Variants in GFAP observed in about 807,000 individuals in gnomAD.
GFAP encodes the protein intermediate filament protein.
A neutral mutation model predicts 49.3 loss-of-function variants in GFAP; 38 were observed. The observed-to-expected ratio is 0.77, with a 90% CI of 0.60 to 1.01. The LOEUF (loss-of-function observed/expected upper bound fraction) is 1.01. Among genes scored for constraint, GFAP ranks in the 50% least tolerant of loss-of-function variants. The pLI is 0.00. For missense variants in GFAP, 463 were observed against 579.1 expected, an observed-to-expected ratio of 0.80 and a Z score of 2.06; for synonymous variants, 222 against 236.4, an observed-to-expected ratio of 0.94 and a Z score of 0.56.
Position 44,904,759 on chromosome 17 carries a change from A to G in GFAP, c.*2588T>C. The stretch of plus-strand genomic sequence containing the variant: ...AAGACCGCCAGCACCTCTACCGCAC[A>G]CAGTACCTGAAGGGTGTCAACAGGT... On this transcript the variant is annotated 3_prime_UTR_variant, in exon 9 of 9. Coordinates refer to ENST00000588735, the MANE Select transcript of GFAP (RefSeq NM_002055.5). 6.4e-7 allele frequency: 1 copy of G among 1,550,620 alleles called. No homozygotes were observed. The highest frequency in any genetic ancestry group is 8.7e-7 in the Non-Finnish European group (1 of 1,147,006).
intron 4 of GFAP, chr17:44,912,834 G>A (rs973928890): frequency 3.8e-5 from 10 of 266,556 alleles, no homozygotes; most frequent in Non-Finnish European, 7.4e-5. Context: ...TAGAGGCTCA[G>A]TAACCCAAAA....
In GFAP at chr17:44,907,317, C is replaced by T. The variant is rs201709616; in HGVS notation, c.*30G>A. 1.3e-4 allele frequency: 212 copies of T among 1,607,770 alleles called. 2 individuals carry two copies. The South Asian group carries it at 1.5e-3, about 12-fold the overall frequency. ...GCTTCTGCTCGGGCCCCTCATGAGACGGGGCAGAGGCCACCAGGTGGGTCC... is the reference window on the plus strand; with the variant it reads ...GCTTCTGCTCGGGCCCCTCATGAGATGGGGCAGAGGCCACCAGGTGGGTCC... On this transcript the variant is annotated 3_prime_UTR_variant, in exon 9 of 9. Transcript: ENST00000588735.
chr17:44,909,997 A>G (rs1041363668), intron 7 of GFAP: 2 of 1,537,408 alleles, frequency 1.3e-6, no homozygotes, highest in Admixed American at 4.0e-5. Context: ...TGGGCACTGC[A>G]GTTCCTGGGA....
chr17:44,903,889 T>C lies in GFAP; in HGVS notation c.*3458A>G. On this transcript the variant is annotated 3_prime_UTR_variant, in exon 9 of 9. Transcript: ENST00000588735. ...CATGGGGGCTCCAGGCCTTTGAAAT[T>C]GTGGAGAAGGAAAACATTTTTCAGA... is the stretch of plus-strand genomic sequence containing the variant. The C allele has an allele frequency of 6.4e-7, 1 of 1,550,470 alleles. No homozygotes were observed. Among genetic ancestry groups the C allele is most frequent in the South Asian group, 1.2e-5 (1 of 84,050 alleles).
intron 5 of GFAP, 37 bp from the exon 6 acceptor site, chr17:44,911,493 A>C (rs1220884973): frequency 1.3e-6 from 2 of 1,571,976 alleles, no homozygotes; most frequent in Non-Finnish European, 1.7e-6. Context: ...CGGAGCCCCG[A>C]CCCGACTTGG....
chr17:44,903,308 G>T lies in GFAP; in HGVS notation c.*4039C>A. ...ATTTGAGGTGTTGAATTTTCCCCTA[G>T]AGACTCAGTTCTTGTGCAGGTTGGG... is the stretch of plus-strand genomic sequence containing the variant. On this transcript the variant is annotated 3_prime_UTR_variant, in exon 9 of 9. Transcript: ENST00000588735. 1 of 1,245,494 alleles carries T rather than the reference G, an allele frequency of 8.0e-7. No individual in the cohort carries two copies. Among genetic ancestry groups the T allele is most frequent in the South Asian group, 3.9e-5 (1 of 25,420 alleles). 77.2% of individuals were successfully genotyped at this position (1,245,494 alleles called of 1,614,324 possible).
intron 1 of GFAP, 101 bp from the exon 2 acceptor site, chr17:44,914,189 C>T (rs2051851333): frequency 2.5e-6 from 2 of 797,492 alleles, no homozygotes; most frequent in Non-Finnish European, 4.3e-6. Flanking sequence ...ACCACCCCCA[C>T]CCAGGACCAG....
In GFAP at chr17:44,905,373, G is replaced by A; in HGVS notation, c.*1974C>T. On this transcript the variant is annotated 3_prime_UTR_variant, in exon 9 of 9. Coordinates refer to ENST00000588735, the MANE Select transcript of GFAP (RefSeq NM_002055.5). ...TCAGATTTATCCAGTGGTAAACACT[G>A]ATCAGTGTTGAATCATGTTTGAGCT... is the stretch of plus-strand genomic sequence containing the variant. 1 of 366,834 alleles carries A rather than the reference G, an allele frequency of 2.7e-6. No individual in the cohort carries two copies. Among genetic ancestry groups the A allele is most frequent in the South Asian group, 3.9e-5 (1 of 25,444 alleles). 22.7% of individuals were successfully genotyped at this position (366,834 alleles called of 1,614,324 possible).
In GFAP at chr17:44,911,597, G is replaced by A. The variant is rs1043104173; in HGVS notation, c.906+75C>T. 6 of 1,592,642 alleles carry A rather than the reference G, an allele frequency of 3.8e-6. No individual in the cohort carries two copies. In the African/African-American group the frequency reaches 8.0e-5, roughly 21 times the overall value. ...CCCTCGACCCAGGTCCTCGTCCCTG[G>A]CCCTTCTCCCCTGGCATCTCCTGGG... is the stretch of plus-strand genomic sequence containing the variant. On this transcript the variant is annotated intron_variant, in intron 5 of 8. Coordinates refer to ENST00000588735, the MANE Select transcript of GFAP (RefSeq NM_002055.5).
chr17:44,913,854 G>T, intron 2 of GFAP, 31 bp from the exon 3 acceptor site: 4 of 1,569,328 alleles, frequency 2.5e-6, no homozygotes, highest in Non-Finnish European at 3.5e-6. Flanking sequence ...AGGAGTAGAG[G>T]GCCACTGGGG....
At position 44,915,320 on chromosome 17, in the gene GFAP, C is replaced by T. The variant is rs1196032125; in HGVS notation, c.167G>A (p.Gly56Glu). The T allele has an allele frequency of 6.2e-7, 1 of 1,613,496 alleles. No individual in the cohort carries two copies. Among genetic ancestry groups the T allele is most frequent in the Non-Finnish European group, 8.5e-7 (1 of 1,179,580 alleles). Residue 56 changes from glycine (G) to glutamate (E), a missense_variant, in exon 1 of 9, where the codon GGG becomes GAG. Gly to Glu is a moderately conservative substitution (Grantham distance 98). Around this residue, in one of 3 missense-constraint regions of GFAP, gnomAD observed 89 missense variants for 87.5 expected, o/e 1.02. Transcript: ENST00000588735. The surrounding 1 kb of genome is among the most constrained non-coding windows in gnomAD (Gnocchi z 4.1). ...LPTRVDFSLA[G>E]ALNAGFKETR... ...CTCCTTGAAGCCAGCATTGAGTGCC[C>T]CAGCCAGGGAGAAATCCACCCGGGT...
chr17:44,905,092 G>C lies in GFAP; in HGVS notation c.*2255C>G, dbSNP rs1380052140. ...CCTAGGAGCTCTCTTCAGCTCTGAAGACCAGTTGTCCTTCAATGTGTTTGT... is the reference window on the plus strand; with the variant it reads ...CCTAGGAGCTCTCTTCAGCTCTGAACACCAGTTGTCCTTCAATGTGTTTGT... On this transcript the variant is annotated 3_prime_UTR_variant, in exon 9 of 9. Coordinates refer to ENST00000588735, the MANE Select transcript of GFAP (RefSeq NM_002055.5). 6.7e-7 allele frequency: 1 copy of C among 1,498,576 alleles called. No individual in the cohort carries two copies. The highest frequency in any genetic ancestry group is 1.7e-4 in the Middle Eastern group (1 of 5,802). The allele number at this position is 1,498,576 out of a possible 1,614,324, so 92.8% of individuals were successfully genotyped here.
At position 44,912,083 on chromosome 17, in the gene GFAP, G is replaced by A. The variant is rs368267763; in HGVS notation, c.781-286C>T. Among the ~76,000 whole-genome samples the A allele has an allele frequency of 5.3e-5, 8 of 152,184 alleles. 1 individual carries two copies. The South Asian group carries it at 1.7e-3, about 32-fold the overall frequency. On this transcript the variant is annotated intron_variant, in intron 4 of 8. Transcript: ENST00000588735. ...GGGACTGAACGCTGTCGTCTTAGGC[G>A]AGCGGAGGCCTGGGTGTTTTGTGTG...
intron 7 of GFAP, chr17:44,910,037 A>G: frequency 6.3e-7 from 1 of 1,599,182 alleles, no homozygotes; most frequent in South Asian, 1.1e-5. Context: ...CTTTAGGGGA[A>G]GCCTGGGAAG....
In GFAP at chr17:44,904,530, T is replaced by G. The variant is rs765629995; in HGVS notation, c.*2817A>C. The G allele has an allele frequency of 8.4e-6, 13 of 1,550,228 alleles. No individual in the cohort carries two copies. On this transcript the variant is annotated 3_prime_UTR_variant, in exon 9 of 9. Transcript: ENST00000588735. ...AAGGCCAGGGACCACACGCCTGAGG[T>G]GCTGGTTCGGAGCTGCTTAGTACCC...
chr17:44,910,773 T>C, intron 6 of GFAP, 115 bp from the exon 7 acceptor site: 1 of 1,446,132 alleles, frequency 6.9e-7, no homozygotes, highest in Non-Finnish European at 9.4e-7. Flanking sequence ...CAGGAAAGTC[T>C]AACTCCATCT....
rs753047174 is a variant in GFAP, at chr17:44,913,838, G to C, written c.523-15C>G. 1 of 1,603,230 alleles carries C rather than the reference G, an allele frequency of 6.2e-7. No homozygotes were observed. The highest frequency in any genetic ancestry group is 8.5e-7 in the Non-Finnish European group (1 of 1,170,008). On this transcript the variant is annotated splice_polypyrimidine_tract_variant and intron_variant, in intron 2 of 8. Transcript: ENST00000588735. ...TCATCTGCTTCCTGGAGTGGCAGGAGGGGTGAGGAGTAGAGGGCCACTGGG... is the reference window on the plus strand; with the variant it reads ...TCATCTGCTTCCTGGAGTGGCAGGACGGGTGAGGAGTAGAGGGCCACTGGG...
chr17:44,908,180 G>GCCCTGAAAGTCCATGAGA, intron 7 of GFAP, 31 bp from the exon 8 acceptor site: 1 of 1,455,082 alleles, frequency 6.9e-7, no homozygotes, highest in Non-Finnish European at 9.7e-7. Context: ...GGCCTCTCAT[G>GCCCTGAAAGTCCATGAGA]GACTTTCAGG....
chr17:44,911,221 G>A lies in GFAP; in HGVS notation c.1127+15C>T. 1 of 1,609,810 alleles carries A rather than the reference G, an allele frequency of 6.2e-7. No individual in the cohort carries two copies. Among genetic ancestry groups the A allele is most frequent in the Non-Finnish European group, 8.5e-7 (1 of 1,176,522 alleles). ...CAGCAGGGAGACTTCCCCAGGGGCT[G>A]TGATGAGGGCTCACCGGTTCTCCTC... On this transcript the variant is annotated intron_variant, in intron 6 of 8. Transcript: ENST00000588735.
Sources: gnomAD v4.1 joint callset for allele counts (sites outside exome capture counted in the v4.1 genomes callset) on GRCh38, gnomAD v4.1.1 for gene constraint, gnomAD v4.1.1 regional missense constraint, Gnocchi (gnomAD v3.1) non-coding constraint, MANE v1.5 for transcripts, NCBI Gene and HGNC (gene_info 2026-07-23, HGNC 2026-07-21) for gene names.